RBMS3: variants seen among roughly 807,000 people sequenced by gnomAD.
The protein encoded by RBMS3 is RNA binding motif single stranded interacting protein 3.
A neutral mutation model predicts 66.8 loss-of-function variants in RBMS3; 27 were observed. That is an observed-to-expected ratio of 0.40 (90% confidence interval 0.30 to 0.56). The LOEUF (loss-of-function observed/expected upper bound fraction) is 0.56. Among genes scored for constraint, RBMS3 ranks in the 20% least tolerant of loss-of-function variants. RBMS3 has a pLI of 0.40. For synonymous variants in RBMS3, 188 were observed against 183.0 expected, an observed-to-expected ratio of 1.03 and a Z score of -0.22; for missense variants, 513 against 549.5, an observed-to-expected ratio of 0.93 and a Z score of 0.66.
At chr3:29,513,585 G>T (rs149622568) in intron 3 of RBMS3, among the ~76,000 whole-genome samples, 1 of 152,194 alleles carries the variant, frequency 6.6e-6, no homozygotes, top group Non-Finnish European at 1.5e-5. Context: ...TTTCACATGG[G>T]TGACTGATCT....
intron 7 of RBMS3, among the ~76,000 whole-genome samples, chr3:29,872,662 C>T (rs1577044086): frequency 6.6e-6 from 1 of 152,098 alleles, no homozygotes; most frequent in South Asian, 2.1e-4. Flanking sequence ...TAGACACTGC[C>T]CCTAGGCCAT....
intron 1 of RBMS3, among the ~76,000 whole-genome samples, chr3:29,358,940 T>C (rs1369231215): frequency 6.6e-6 from 1 of 152,188 alleles, no homozygotes; most frequent in Non-Finnish European, 1.5e-5. Context: ...CTTAAGGAGA[T>C]TTTGGGCTGA....
intron 9 of RBMS3, among the ~76,000 whole-genome samples, chr3:29,899,439 C>T (rs2149606938): frequency 6.6e-6 from 1 of 151,812 alleles, no homozygotes; most frequent in East Asian, 1.9e-4. Context: ...ACATCAACCT[C>T]AAAATATGCT....
intron 2 of RBMS3, among the ~76,000 whole-genome samples, chr3:29,461,500 CA>C (rs2042368234): frequency 6.6e-6 from 1 of 152,168 alleles, no homozygotes; most frequent in African/African-American, 2.4e-5. Flanking sequence ...AAACTGTTAA[CA>C]ATTGCAGAAA....
chr3:29,980,699 C>T (rs892344592), intron 12 of RBMS3, among the ~76,000 whole-genome samples: 6 of 152,162 alleles, frequency 3.9e-5, no homozygotes, highest in African/African-American at 1.4e-4. Flanking sequence ...AATCCTTTCC[C>T]CATTGCTTGT....
intron 1 of RBMS3, among the ~76,000 whole-genome samples, chr3:29,360,933 A>G (rs1005520373): frequency 4.0e-5 from 6 of 151,812 alleles, no homozygotes; most frequent in Non-Finnish European, 5.9e-5. Flanking sequence ...TTTTGAGCCT[A>G]TGTGTGTCTC....
chr3:29,322,446 G>A (rs1261525134), intron 1 of RBMS3, among the ~76,000 whole-genome samples: 1 of 152,030 alleles, frequency 6.6e-6, no homozygotes, highest in Non-Finnish European at 1.5e-5. Context: ...TCCTCCACAT[G>A]CTGTAGACAT....
intron 1 of RBMS3, among the ~76,000 whole-genome samples, chr3:29,301,082 A>G (rs989633646): frequency 1.3e-5 from 2 of 151,966 alleles, no homozygotes; most frequent in African/African-American, 4.8e-5. Flanking sequence ...TATATTAATT[A>G]TGTAACAATG....
At chr3:29,743,169 A>G (rs1205150838) in intron 5 of RBMS3, among the ~76,000 whole-genome samples, 6 of 152,158 alleles carry the variant, frequency 3.9e-5, no homozygotes, top group African/African-American at 1.4e-4. Flanking sequence ...TCCCTATAAC[A>G]TTGGCTGTGC....
intron 3 of RBMS3, among the ~76,000 whole-genome samples, chr3:29,577,589 A>G (rs182102612): frequency 3.3e-5 from 5 of 152,188 alleles, no homozygotes; most frequent in East Asian, 1.9e-4. Flanking sequence ...TTGGGTATCA[A>G]CTGATGAGAT....
At chr3:29,855,818 C>T (rs985728316) in intron 6 of RBMS3, among the ~76,000 whole-genome samples, 1 of 152,120 alleles carries the variant, frequency 6.6e-6, no homozygotes. Flanking sequence ...CTGGAAAATA[C>T]ATAAGCTTGC....
At chr3:29,783,248 C>T (rs1360787798) in intron 6 of RBMS3, among the ~76,000 whole-genome samples, 9 of 152,044 alleles carry the variant, frequency 5.9e-5, no homozygotes, top group East Asian at 1.9e-4. Flanking sequence ...ACATTGTCAT[C>T]GGGTTATCTA....
At chr3:29,386,470 A>T (rs969664477) in intron 1 of RBMS3, among the ~76,000 whole-genome samples, 5 of 152,012 alleles carry the variant, frequency 3.3e-5, no homozygotes, top group Admixed American at 2.6e-4. Flanking sequence ...GTATATCCTT[A>T]TACTCTTCTT....
intron 10 of RBMS3, among the ~76,000 whole-genome samples, chr3:29,918,295 C>G (rs1188639556): frequency 6.6e-6 from 1 of 151,988 alleles, no homozygotes; most frequent in Non-Finnish European, 1.5e-5. Flanking sequence ...CCTTTAATGC[C>G]AATCACATTA....
chr3:29,636,073 TTTTCAG>T (rs1302095173), intron 4 of RBMS3, among the ~76,000 whole-genome samples: 1 of 148,998 alleles, frequency 6.7e-6, no homozygotes, highest in Non-Finnish European at 1.5e-5. Flanking sequence ...TGTGTGTGTG[TTTTCAG>T]TTAGGGAGAA....
At chr3:29,950,280 T>C (rs1403823238) in intron 12 of RBMS3, among the ~76,000 whole-genome samples, 2 of 151,792 alleles carry the variant, frequency 1.3e-5, no homozygotes, top group African/African-American at 4.8e-5. Flanking sequence ...GCAGTAGAAT[T>C]TTTCAGTGAG....
intron 12 of RBMS3, among the ~76,000 whole-genome samples, chr3:29,946,796 G>T (rs1187261972): frequency 6.6e-6 from 1 of 151,604 alleles, no homozygotes; most frequent in Non-Finnish European, 1.5e-5. Flanking sequence ...ACAATCCATA[G>T]AATTTTGAGG....
At chr3:29,688,255 T>C (rs567276762) in intron 4 of RBMS3, among the ~76,000 whole-genome samples, 3 of 152,302 alleles carry the variant, frequency 2.0e-5, no homozygotes, top group Admixed American at 2.0e-4. Flanking sequence ...ATTGATTTCC[T>C]ATCCCCATTT....
At chr3:29,697,910 A>G (rs937281000) in intron 4 of RBMS3, among the ~76,000 whole-genome samples, 1 of 152,204 alleles carries the variant, frequency 6.6e-6, no homozygotes, top group Non-Finnish European at 1.5e-5. Context: ...CCTAATCTGT[A>G]TACAAAAACT....
Sources: gnomAD v4.1 joint callset for allele counts (sites outside exome capture counted in the v4.1 genomes callset) on GRCh38, gnomAD v4.1.1 for gene constraint, MANE v1.5 for transcripts, NCBI Gene and HGNC (gene_info 2026-07-23, HGNC 2026-07-21) for gene names.